Variants in SCN7A observed in about 807,000 individuals in gnomAD.
SCN7A encodes sodium voltage-gated channel alpha subunit 7, also known as sodium channel protein type 7 subunit alpha.
SCN7A carries 138 observed loss-of-function variants against 155.2 expected under a neutral mutation model. That is an observed-to-expected ratio of 0.89 (90% confidence interval 0.77 to 1.02). SCN7A has a LOEUF of 1.02. SCN7A is among the 50% of genes least tolerant of loss of function. SCN7A has a pLI of 0.00. For missense variants in SCN7A, 2,058 were observed against 1,986.6 expected (o/e 1.04, Z -0.68); for synonymous variants, 693 against 649.0 (o/e 1.07, Z -1.03).
intron 2 of SCN7A, among the ~76,000 whole-genome samples, chr2:166,481,477 G>GA (rs1343371174): frequency 6.6e-6 from 1 of 152,104 alleles, no homozygotes; most frequent in Non-Finnish European, 1.5e-5. Context: ...ATACCCATCG[G>GA]CACAAGTACA....
intron 15 of SCN7A, among the ~76,000 whole-genome samples, chr2:166,434,790 G>C (rs538251024): frequency 6.6e-6 from 1 of 151,992 alleles, no homozygotes; most frequent in South Asian, 2.1e-4. Context: ...ATAACAGAAG[G>C]CTGTTAGTGT....
chr2:166,432,229 T>C (rs1279151520), intron 16 of SCN7A, 89 bp downstream of exon 16: 6 of 962,004 alleles, frequency 6.2e-6, no homozygotes, highest in East Asian at 2.5e-5. Flanking sequence ...GAGTGGATAA[T>C]CTGGCTGTGG....
In SCN7A at chr2:166,406,030, T is replaced by C. The variant is rs1022101478; in HGVS notation, c.4599A>G (p.Ile1533Met). The change falls in exon 26 of 26, where the codon ATA becomes ATG. Residue 1533 changes from isoleucine (I) to methionine (M), a missense_variant. Physicochemically the swap from Ile to Met is conservative, Grantham distance 10. Coordinates refer to ENST00000643258, the MANE Select transcript of SCN7A (RefSeq NM_002976.4). ...KRFDPDRTQY[I>M]DSSKLSDFAA... is the part of the protein sequence containing the mutation. ...CAAAATCTGAAAGCTTGCTAGAGTC[T>C]ATGTACTGGGTCCTATCAGGATCAA... 6.8e-6 allele frequency: 11 copies of C among 1,612,894 alleles called. No individual in the cohort carries two copies. The highest frequency in any genetic ancestry group is 9.3e-6 in the Non-Finnish European group (11 of 1,179,406).
intron 1 of SCN7A, among the ~76,000 whole-genome samples, chr2:166,491,268 T>C (rs1305612987): frequency 2.0e-5 from 3 of 152,148 alleles, no homozygotes. Flanking sequence ...GCTTCTGCAT[T>C]TCTATCAAGC....
chr2:166,434,363 G>T (rs1222708754), intron 15 of SCN7A, among the ~76,000 whole-genome samples: 3 of 152,052 alleles, frequency 2.0e-5, no homozygotes, highest in Non-Finnish European at 4.4e-5. Flanking sequence ...TAAAATTTTG[G>T]TTATAAGATA....
chr2:166,462,345 A>T, intron 10 of SCN7A, 44 bp downstream of exon 10: 1 of 1,533,112 alleles, frequency 6.5e-7, no homozygotes, highest in Non-Finnish European at 8.8e-7. Flanking sequence ...AAGCAAGGGC[A>T]TGGTGCCATT....
Position 166,414,279 on chromosome 2 carries a change from T to TAG in SCN7A, c.3415-1159_3415-1158insCT, listed in dbSNP as rs1559088783. ...AGATATATATACACACACATATATA[T>TAG]ATATATACACACACATATATATATA... On this transcript the variant is annotated intron_variant, in intron 21 of 25. Transcript: ENST00000643258. Among the ~76,000 whole-genome samples the TAG allele has an allele frequency of 6.1e-3, 192 of 31,280 alleles. 4 individuals are homozygous for TAG. Among genetic ancestry groups the TAG allele is most frequent in the African/African-American group, 0.017 (121 of 7,206 alleles). 20.5% of individuals were successfully genotyped at this position (31,280 alleles called of 152,430 possible).
chr2:166,412,751 C>G lies in SCN7A; in HGVS notation c.3469-84G>C, dbSNP rs143949205. The G allele has an allele frequency of 1.0e-3, 1,422 of 1,421,112 alleles. 2 individuals are homozygous for G. Among genetic ancestry groups the G allele is most frequent in the Middle Eastern group, 1.5e-3 (6 of 3,966 alleles). 88.0% of individuals were successfully genotyped at this position (1,421,112 alleles called of 1,614,324 possible). ...ACAATTTATGACAAGAAAACAATAA[C>G]AAAACAAGCATTGTTATGCTACCTA... On this transcript the variant is annotated intron_variant, in intron 22 of 25. Transcript: ENST00000643258.
At chr2:166,465,184 G>A (rs1047114488) in intron 9 of SCN7A, among the ~76,000 whole-genome samples, 1 of 152,122 alleles carries the variant, frequency 6.6e-6, no homozygotes, top group African/African-American at 2.4e-5. Context: ...TTGACCAGAG[G>A]ACAGGCCTTC....
intron 15 of SCN7A, among the ~76,000 whole-genome samples, chr2:166,439,832 T>A (rs761343006): frequency 6.6e-5 from 10 of 152,154 alleles, no homozygotes; most frequent in Admixed American, 1.3e-4. Flanking sequence ...ACACTAACAA[T>A]TAAATACAAT....
Position 166,443,451 on chromosome 2 carries a change from A to G in SCN7A, c.1800+52T>C, listed in dbSNP as rs920924806. ...CTGTAACCCCATTTTATGTCTGCAG[A>G]CACTGAGATAAACTTTGATCAAATA... On this transcript the variant is annotated intron_variant, in intron 14 of 25. Coordinates refer to ENST00000643258, the MANE Select transcript of SCN7A (RefSeq NM_002976.4). 2.7e-6 allele frequency: 4 copies of G among 1,460,016 alleles called. No homozygotes were observed. The African/African-American group carries it at 5.7e-5, about 21-fold the overall frequency. The allele number at this position is 1,460,016 out of a possible 1,614,324, so 90.4% of individuals were successfully genotyped here.
At chr2:166,442,655 C>A (rs1701985495) in intron 14 of SCN7A, among the ~76,000 whole-genome samples, 1 of 152,052 alleles carries the variant, frequency 6.6e-6, no homozygotes, top group African/African-American at 2.4e-5. Context: ...AGCTGTCTTT[C>A]TGAACTCAAC....
intron 10 of SCN7A, chr2:166,461,913 C>G (rs1335731721): frequency 1.3e-5 from 2 of 153,470 alleles, no homozygotes; most frequent in Non-Finnish European, 2.9e-5. Flanking sequence ...TACGGTGAAA[C>G]CCCTCCTCTA....
intron 1 of SCN7A, among the ~76,000 whole-genome samples, chr2:166,488,332 T>C (rs562803819): frequency 1.2e-3 from 181 of 147,668 alleles, no homozygotes; most frequent in Non-Finnish European, 2.3e-3. Flanking sequence ...ACCCAAATGA[T>C]ATTAAATGCA....
chr2:166,441,890 A>C (rs1430121522), intron 14 of SCN7A, 138 bp from the exon 15 acceptor site: 8 of 631,382 alleles, frequency 1.3e-5, no homozygotes, highest in Admixed American at 6.4e-5. Flanking sequence ...CTGAACATTC[A>C]TTTTGTGACA....
At chr2:166,418,284 CTTTTTTT>C (rs71031244) in intron 20 of SCN7A, among the ~76,000 whole-genome samples, 9 of 60,672 alleles carry the variant, frequency 1.5e-4, no homozygotes, top group South Asian at 1.2e-3. Flanking sequence ...CCCCGCCAGG[CTTTTTTT>C]TTTTTTTTTT....
chr2:166,449,068 T>C (rs186165566), intron 11 of SCN7A, among the ~76,000 whole-genome samples: 2 of 152,350 alleles, frequency 1.3e-5, no homozygotes, highest in African/African-American at 4.8e-5. Context: ...ATCTTCTGCT[T>C]TACTGATTTT....
rs991110481 is a variant in SCN7A at position 166,472,110 on chromosome 2, C to G, written c.572+207G>C. 2.0e-5 allele frequency among the ~76,000 whole-genome samples: 3 copies of G among 151,604 alleles called. No individual in the cohort carries two copies. In the East Asian group the frequency reaches 5.8e-4, roughly 29 times the overall value. On this transcript the variant is annotated intron_variant, in intron 6 of 25. Coordinates refer to ENST00000643258, the MANE Select transcript of SCN7A (RefSeq NM_002976.4). The stretch of plus-strand genomic sequence containing the variant: ...GTATATCTCCTAATGCTATCCCTCC[C>G]CCTCCCCCCACTCCTTTCATTCTTA...
chr2:166,485,248 A>C (rs1396479098), intron 2 of SCN7A, among the ~76,000 whole-genome samples: 1 of 152,184 alleles, frequency 6.6e-6, no homozygotes. Flanking sequence ...AGAGATTGGA[A>C]TTAAAATCAT....
Sources: gnomAD v4.1 joint callset for allele counts (sites outside exome capture counted in the v4.1 genomes callset) on GRCh38, gnomAD v4.1.1 for gene constraint, MANE v1.5 for transcripts, NCBI Gene and HGNC (gene_info 2026-07-23, HGNC 2026-07-21) for gene names.